Variants in SLC25A48 observed in about 807,000 individuals in gnomAD.
The protein encoded by SLC25A48 is CTC-321K16.1.
A neutral mutation model predicts 32.2 loss-of-function variants in SLC25A48; 29 were observed. That is an observed-to-expected ratio of 0.90 (90% CI 0.67 to 1.23). The LOEUF (loss-of-function observed/expected upper bound fraction) is 1.23. SLC25A48 is among the 50% of genes most tolerant of loss of function. The probability of loss-of-function intolerance (pLI) is 0.00; values close to 1 mark genes in which losing one functional copy is unlikely to be tolerated. For synonymous variants in SLC25A48, 164 were observed against 172.3 expected (o/e 0.95, Z 0.38); for missense variants, 399 against 422.7 (o/e 0.94, Z 0.49).
chr5:135,778,852 C>T (rs563448105), intron 3 of SLC25A48, among the ~76,000 whole-genome samples: 1 of 6,280 alleles, frequency 1.6e-4, no homozygotes, highest in East Asian at 8.2e-3. Flanking sequence ...CCCCCCGCCC[C>T]GCCGTGACAT....
At chr5:135,818,054 C>CCTCTCTCTCTCTCTCT (rs58632457) in intron 4 of SLC25A48, among the ~76,000 whole-genome samples, 1 of 80,668 alleles carries the variant, frequency 1.2e-5, no homozygotes, top group African/African-American at 5.2e-5. Context: ...TCTCTCTGTT[C>CCTCTCTCTCTCTCTCT]CTCTCTCTCT....
chr5:135,745,789 C>T (rs7379060), intron 3 of SLC25A48, among the ~76,000 whole-genome samples: 101,174 of 151,990 alleles, frequency 0.67, 36,723 homozygotes, highest in Middle Eastern at 0.83. Context: ...ACCTACGAGG[C>T]GGTCAACACA....
At chr5:135,843,980 A>T (rs1454295280) in intron 2 of SLC25A48, among the ~76,000 whole-genome samples, 3 of 152,156 alleles carry the variant, frequency 2.0e-5, no homozygotes, top group Non-Finnish European at 2.9e-5. Context: ...ACTTACTAGC[A>T]TATCACGGCT....
chr5:135,771,305 C>T (rs964161065), intron 3 of SLC25A48, among the ~76,000 whole-genome samples: 17 of 151,562 alleles, frequency 1.1e-4, no homozygotes, highest in African/African-American at 3.9e-4. Flanking sequence ...AGGGTGATAA[C>T]ACTCTCCATA....
intron 6 of SLC25A48, among the ~76,000 whole-genome samples, 183 bp from the exon 7 acceptor site, chr5:135,879,785 C>T (rs142723247): frequency 1.1e-4 from 17 of 152,182 alleles, no homozygotes; most frequent in South Asian, 2.1e-4. Flanking sequence ...CCAGGCATGA[C>T]GCGGGTCAGG....
At chr5:135,882,089 A>T (rs1364275809) in intron 7 of SLC25A48, among the ~76,000 whole-genome samples, 3 of 152,234 alleles carry the variant, frequency 2.0e-5, no homozygotes, top group Admixed American at 1.3e-4. Flanking sequence ...AGCAGTGACC[A>T]ACCCAATTGG....
chr5:135,801,281 A>G (rs945706225), intron 3 of SLC25A48, among the ~76,000 whole-genome samples: 1 of 150,372 alleles, frequency 6.7e-6, no homozygotes, highest in East Asian at 2.0e-4. Flanking sequence ...GTAGGGAATG[A>G]TATTACTTCC....
intron 3 of SLC25A48, among the ~76,000 whole-genome samples, chr5:135,788,362 C>A (rs559611756): frequency 1.2e-5 from 1 of 83,436 alleles, no homozygotes; most frequent in Non-Finnish European, 3.0e-5. Context: ...GGGTGTACAC[C>A]CCCCCGCCAT....
intron 3 of SLC25A48, among the ~76,000 whole-genome samples, chr5:135,682,824 C>T (rs536928572): frequency 1.3e-5 from 2 of 152,106 alleles, no homozygotes; most frequent in Non-Finnish European, 2.9e-5. Flanking sequence ...CAAAATGATA[C>T]CTTATACTGG....
chr5:135,773,677 T>C (rs74823238), intron 3 of SLC25A48, among the ~76,000 whole-genome samples: 1,698 of 151,690 alleles, frequency 0.011, 29 homozygotes, highest in African/African-American at 0.039. Flanking sequence ...TTGCTTCTAA[T>C]ATCCAGGAAG....
intron 3 of SLC25A48, among the ~76,000 whole-genome samples, chr5:135,760,738 A>G (rs1349627687): frequency 6.6e-6 from 1 of 152,184 alleles, no homozygotes. Flanking sequence ...TTCCTAAGCA[A>G]GGTGGGGCTT....
chr5:135,793,597 C>G (rs1157723884), intron 3 of SLC25A48, among the ~76,000 whole-genome samples: 4 of 151,638 alleles, frequency 2.6e-5, no homozygotes, highest in African/African-American at 9.7e-5. Flanking sequence ...TGTGTGTATA[C>G]TTTTGGATAT....
intron 1 of SLC25A48, among the ~76,000 whole-genome samples, chr5:135,590,287 G>A (rs1751487745): frequency 6.6e-6 from 1 of 152,166 alleles, no homozygotes; most frequent in African/African-American, 2.4e-5. Flanking sequence ...CCATCAATGT[G>A]CAGAGGAACA....
chr5:135,794,952 CACCAT>C (rs58684282), intron 3 of SLC25A48, among the ~76,000 whole-genome samples: 102,332 of 151,090 alleles, frequency 0.68, 36,872 homozygotes, highest in Non-Finnish European at 0.81. Context: ...ATGGGGCGTA[CACCAT>C]ACCATTCTGT....
chr5:135,581,400 T>C (rs1751230975), intron 1 of SLC25A48, among the ~76,000 whole-genome samples: 1 of 152,244 alleles, frequency 6.6e-6, no homozygotes, highest in African/African-American at 2.4e-5. Context: ...CCATGGCACA[T>C]GCCCATTTTA....
intron 3 of SLC25A48, among the ~76,000 whole-genome samples, chr5:135,779,358 G>A (rs1268782103): frequency 6.6e-6 from 1 of 151,706 alleles, no homozygotes; most frequent in Non-Finnish European, 1.5e-5. Flanking sequence ...AGTCAATATT[G>A]CAGGGGGTGG....
intron 2 of SLC25A48, among the ~76,000 whole-genome samples, chr5:135,630,509 C>G (rs571480560): frequency 4.2e-5 from 6 of 143,330 alleles, no homozygotes; most frequent in Non-Finnish European, 7.6e-5. Flanking sequence ...AATTTAGAAA[C>G]TAAACATTCC....
chr5:135,799,284 T>A (rs553109681), intron 3 of SLC25A48, among the ~76,000 whole-genome samples: 1 of 151,836 alleles, frequency 6.6e-6, no homozygotes, highest in East Asian at 1.9e-4. Context: ...ATAATATTAC[T>A]ACCAATATTG....
chr5:135,871,960 A>T (rs2126806606), intron 5 of SLC25A48: 1 of 1,434,782 alleles, frequency 7.0e-7, no homozygotes, highest in East Asian at 2.4e-5. Context: ...ATATATTTTG[A>T]ACACATACTC....
Sources: allele counts gnomAD v4.1 joint callset (sites outside exome capture counted in the v4.1 genomes callset), GRCh38; gene constraint gnomAD v4.1.1; transcripts MANE v1.5; gene names NCBI Gene and HGNC (gene_info 2026-07-23, HGNC 2026-07-21).